The following SGCZ variants were observed in gnomAD, a reference collection of about 807,000 sequenced individuals.
SGCZ encodes the protein sarcoglycan zeta, also known as zeta-sarcoglycan.
Under a neutral mutation model 41.3 loss-of-function variants are expected in SGCZ, and 40 were observed. The ratio of observed to expected loss-of-function variants is 0.97; its 90% CI spans 0.75 to 1.26. The LOEUF (loss-of-function observed/expected upper bound fraction) is 1.26. Among genes scored for constraint, SGCZ ranks in the 50% most tolerant of loss-of-function variants. The pLI, the probability that SGCZ is intolerant of heterozygous loss-of-function variation, is 0.00. For synonymous variants in SGCZ, 206 were observed against 137.5 expected, an observed-to-expected ratio of 1.50 and a Z score of -3.49; for missense variants, 552 against 369.8, an observed-to-expected ratio of 1.49 and a Z score of -4.04.
intron 2 of SGCZ, chr8:14,487,894 C>A (rs965421687): frequency 4.0e-5 from 6 of 149,412 alleles, no homozygotes. Context: ...TAAGGACTGG[C>A]GTTTCTACTC....
chr8:15,120,111 G>A (rs1807424467), intron 1 of SGCZ, among the ~76,000 whole-genome samples: 1 of 152,226 alleles, frequency 6.6e-6, no homozygotes, highest in South Asian at 2.1e-4. Context: ...CTTCCGAAGT[G>A]TTGGGTTACA....
chr8:14,914,786 C>T (rs76674880), intron 1 of SGCZ, among the ~76,000 whole-genome samples: 134 of 152,254 alleles, frequency 8.8e-4, no homozygotes, highest in African/African-American at 2.5e-3. Context: ...CTGAAAAACA[C>T]ATTAATCCTT....
intron 1 of SGCZ, among the ~76,000 whole-genome samples, chr8:15,060,687 A>AG (rs1804893873): frequency 7.4e-6 from 1 of 135,868 alleles, no homozygotes; most frequent in Admixed American, 7.5e-5. Flanking sequence ...AAAAAAAAAA[A>AG]GTCTCCCTTT....
At chr8:14,436,450 A>G (rs1288624256) in intron 2 of SGCZ, among the ~76,000 whole-genome samples, 1 of 152,192 alleles carries the variant, frequency 6.6e-6, no homozygotes, top group Non-Finnish European at 1.5e-5. Flanking sequence ...CTGTATGCAA[A>G]GTGTGGGCCA....
At chr8:14,375,429 A>C (rs934743164) in intron 2 of SGCZ, among the ~76,000 whole-genome samples, 1 of 152,216 alleles carries the variant, frequency 6.6e-6, no homozygotes, top group African/African-American at 2.4e-5. Flanking sequence ...CATAATTATT[A>C]GGAAGGTTGA....
chr8:14,265,366 C>A (rs985653897), intron 3 of SGCZ, among the ~76,000 whole-genome samples: 2 of 152,092 alleles, frequency 1.3e-5, no homozygotes, highest in Admixed American at 6.6e-5. Flanking sequence ...TTAGTAGTTC[C>A]ATTTCCATTT....
chr8:15,222,522 C>T (rs1349385893), intron 1 of SGCZ, among the ~76,000 whole-genome samples: 2 of 152,106 alleles, frequency 1.3e-5, no homozygotes, highest in Non-Finnish European at 2.9e-5. Flanking sequence ...TTAATGCTTA[C>T]AAATGATTTA....
Position 14,433,731 on chromosome 8 carries a change from A to T in SGCZ, c.235-109527T>A, listed in dbSNP as rs984891643. The stretch of plus-strand genomic sequence containing the variant: ...TGAGGGTGAAGCAAATCTGATTTTC[A>T]ATGTGAAAATAAAATATAAACATTG... On this transcript the variant is annotated intron_variant, in intron 2 of 7. Transcript: ENST00000382080. Among the ~76,000 whole-genome samples, 4 of 152,222 alleles carry T rather than the reference A, an allele frequency of 2.6e-5. No homozygotes were observed. In the South Asian group the frequency reaches 8.3e-4, roughly 32 times the overall value.
intron 4 of SGCZ, among the ~76,000 whole-genome samples, chr8:14,183,869 G>A (rs1006653283): frequency 1.3e-5 from 2 of 151,978 alleles, no homozygotes; most frequent in African/African-American, 4.8e-5. Flanking sequence ...TATAAGAATT[G>A]GAAAGAAATA....
intron 3 of SGCZ, among the ~76,000 whole-genome samples, chr8:14,245,120 C>G (rs1799038436): frequency 6.6e-6 from 1 of 152,136 alleles, no homozygotes; most frequent in Non-Finnish European, 1.5e-5. Flanking sequence ...GCCAGAACTT[C>G]CAACAGTATG....
At chr8:14,860,579 AAG>A (rs1470663853) in intron 1 of SGCZ, among the ~76,000 whole-genome samples, 1 of 151,648 alleles carries the variant, frequency 6.6e-6, no homozygotes, top group Admixed American at 6.6e-5. Flanking sequence ...AGAAAAGAAA[AAG>A]AAAGAAAGAA....
intron 1 of SGCZ, among the ~76,000 whole-genome samples, chr8:15,051,992 A>G (rs926526442): frequency 6.6e-6 from 1 of 152,192 alleles, no homozygotes; most frequent in Non-Finnish European, 1.5e-5. Flanking sequence ...AAGATCATTG[A>G]GAATGTTGAA....
Position 14,820,869 on chromosome 8 carries a change from C to CAA in SGCZ, c.40-265945_40-265944dup, listed in dbSNP as rs138066252. On this transcript the variant is annotated intron_variant, in intron 1 of 7. Transcript: ENST00000382080. ...GGAGGTTAGCAATAAACCCCTAGAT[C>CAA]AAAAAACAAAAAAAGATTTCAAATA... Among the ~76,000 whole-genome samples the CAA allele has an allele frequency of 3.1e-3, 440 of 140,356 alleles. 5 individuals are homozygous for CAA. The highest frequency in any genetic ancestry group is 0.025 in the East Asian group (123 of 4,862). The allele number at this position is 140,356 out of a possible 152,430, so 92.1% of individuals were successfully genotyped here.
chr8:14,145,420 A>G (rs1803491227), intron 5 of SGCZ, among the ~76,000 whole-genome samples: 1 of 152,198 alleles, frequency 6.6e-6, no homozygotes, highest in Non-Finnish European at 1.5e-5. Flanking sequence ...AGGTTAGATC[A>G]CAACACCCAA....
intron 1 of SGCZ, among the ~76,000 whole-genome samples, chr8:14,924,754 A>C (rs1311399681): frequency 6.6e-6 from 1 of 152,192 alleles, no homozygotes; most frequent in African/African-American, 2.4e-5. Context: ...GCTAAAAAAC[A>C]CAAAATGTTA....
chr8:14,918,544 G>A (rs928489969), intron 1 of SGCZ, among the ~76,000 whole-genome samples: 1 of 152,088 alleles, frequency 6.6e-6, no homozygotes, highest in African/African-American at 2.4e-5. Flanking sequence ...TGAAGTCCAA[G>A]GATATTTGAG....
chr8:14,784,868 C>T (rs1800704922), intron 1 of SGCZ, among the ~76,000 whole-genome samples: 1 of 118,794 alleles, frequency 8.4e-6, no homozygotes, highest in Admixed American at 1.1e-4. Context: ...TGCCATTGCA[C>T]TCCAACTTGG....
intron 1 of SGCZ, among the ~76,000 whole-genome samples, chr8:14,995,420 G>C (rs1174694812): frequency 6.6e-6 from 1 of 152,208 alleles, no homozygotes; most frequent in Admixed American, 6.5e-5. Context: ...GGTTCAAGGA[G>C]TTTTCCCAGA....
intron 4 of SGCZ, among the ~76,000 whole-genome samples, chr8:14,209,213 T>G (rs1315738987): frequency 6.6e-6 from 1 of 152,204 alleles, no homozygotes; most frequent in African/African-American, 2.4e-5. Flanking sequence ...AACCAATCTG[T>G]GGACTCCATG....
Sources: allele counts gnomAD v4.1 joint callset (sites outside exome capture counted in the v4.1 genomes callset), GRCh38; gene constraint gnomAD v4.1.1; transcripts MANE v1.5; gene names NCBI Gene and HGNC (gene_info 2026-07-23, HGNC 2026-07-21).